Variants in NKAIN3 observed in about 807,000 individuals in gnomAD.
NKAIN3 encodes the protein sodium/potassium-transporting ATPase subunit beta-1-interacting protein 3.
In NKAIN3, 25 loss-of-function variants were observed where a neutral mutation model predicts 30.2. That is an observed-to-expected ratio of 0.83 (90% CI 0.60 to 1.16). NKAIN3 has a LOEUF of 1.16. Ranked by LOEUF, NKAIN3 falls within the 50% of genes most tolerant of loss-of-function variation. The probability of loss-of-function intolerance (pLI) is 0.00; values close to 1 mark genes in which losing one functional copy is unlikely to be tolerated. For synonymous variants in NKAIN3, 91 were observed against 89.6 expected, an observed-to-expected ratio of 1.02 and a Z score of -0.09; for missense variants, 225 against 254.1, an observed-to-expected ratio of 0.89 and a Z score of 0.78.
chr8:62,862,297 T>TA (rs139190194), intron 4 of NKAIN3, among the ~76,000 whole-genome samples: 62 of 147,672 alleles, frequency 4.2e-4, no homozygotes, highest in African/African-American at 9.9e-4. Flanking sequence ...AGTAGTAATT[T>TA]AAAAAAAAAA....
intron 1 of NKAIN3, among the ~76,000 whole-genome samples, chr8:62,578,749 G>A (rs940525732): frequency 1.6e-4 from 24 of 151,756 alleles, no homozygotes; most frequent in Admixed American, 1.2e-3. Context: ...TAAGCCAATC[G>A]TTTTATTAAA....
intron 1 of NKAIN3, among the ~76,000 whole-genome samples, chr8:62,381,822 T>C (rs1563373223): frequency 6.6e-6 from 1 of 151,738 alleles, no homozygotes; most frequent in Non-Finnish European, 1.5e-5. Flanking sequence ...GAATATCTTC[T>C]TAATATTTTT....
rs193087521 is a variant in NKAIN3 at position 62,605,805 on chromosome 8, C to T, written c.273+16011C>T. Among the ~76,000 whole-genome samples the T allele has an allele frequency of 2.6e-4, 40 of 152,054 alleles. No homozygotes were observed. In the East Asian group the frequency reaches 7.0e-3, roughly 27 times the overall value. On this transcript the variant is annotated intron_variant, in intron 3 of 6. Transcript: ENST00000623646. ...GAGCACCCTCAGATTTTGGTGTCTG[C>T]AGGGGGCCTGGAATCAATGCCCCGT...
intron 3 of NKAIN3, among the ~76,000 whole-genome samples, chr8:62,672,878 C>A (rs1006102896): frequency 4.6e-5 from 7 of 152,088 alleles, no homozygotes; most frequent in African/African-American, 1.7e-4. Context: ...CTCCTATATA[C>A]CATGTAAATG....
intron 1 of NKAIN3, among the ~76,000 whole-genome samples, chr8:62,382,116 T>G (rs1385946406): frequency 6.6e-6 from 1 of 152,150 alleles, no homozygotes; most frequent in African/African-American, 2.4e-5. Context: ...CTTCAAAATC[T>G]TAACTACTTA....
In NKAIN3 at chr8:62,647,370, C is replaced by T. The variant is rs79493209; in HGVS notation, c.273+57576C>T. Reference sequence around the variant, plus strand: ...TCATCCATTAGGCTAATCTCTAAGCCAATCAGGTTCTGAGGAAAGCAATTA... The same window carrying T: ...TCATCCATTAGGCTAATCTCTAAGCTAATCAGGTTCTGAGGAAAGCAATTA... On this transcript the variant is annotated intron_variant, in intron 3 of 6. Transcript: ENST00000623646. Among the ~76,000 whole-genome samples, 454 of 152,232 alleles carry T rather than the reference C, an allele frequency of 3.0e-3. 2 individuals are homozygous for T. Among genetic ancestry groups the T allele is most frequent in the Admixed American group, 7.7e-3 (118 of 15,294 alleles).
At chr8:62,952,808 A>G (rs1370505237) in intron 5 of NKAIN3, among the ~76,000 whole-genome samples, 1 of 152,202 alleles carries the variant, frequency 6.6e-6, no homozygotes, top group East Asian at 1.9e-4. Flanking sequence ...TTGCACAAGA[A>G]TTGATTTTTT....
chr8:62,827,882 G>A (rs759280755), intron 4 of NKAIN3, among the ~76,000 whole-genome samples: 65 of 151,866 alleles, frequency 4.3e-4, no homozygotes, highest in Non-Finnish European at 7.7e-4. Flanking sequence ...GCTACACCAA[G>A]GTATTATGCA....
intron 3 of NKAIN3, among the ~76,000 whole-genome samples, chr8:62,669,684 T>A (rs1813240428): frequency 6.6e-6 from 1 of 152,144 alleles, no homozygotes; most frequent in South Asian, 2.1e-4. Flanking sequence ...CTGTTTGGCT[T>A]ATTTGAATGA....
At chr8:62,855,750 T>C (rs1820042753) in intron 4 of NKAIN3, 2 of 1,347,332 alleles carry the variant, frequency 1.5e-6, no homozygotes, top group African/African-American at 2.9e-5. Context: ...TGCTCTGGAG[T>C]TGCCATGACT....
intron 1 of NKAIN3, among the ~76,000 whole-genome samples, chr8:62,475,807 G>C (rs1806500899): frequency 6.6e-6 from 1 of 152,156 alleles, no homozygotes; most frequent in South Asian, 2.1e-4. Context: ...AAAAATTCTT[G>C]CTAAGGAATA....
intron 1 of NKAIN3, among the ~76,000 whole-genome samples, chr8:62,418,011 G>T (rs557482568): frequency 2.0e-5 from 3 of 152,064 alleles, no homozygotes; most frequent in Non-Finnish European, 4.4e-5. Context: ...TGATATTTTG[G>T]TATCTCCTTA....
At chr8:62,939,233 G>C (rs2353389) in intron 5 of NKAIN3, among the ~76,000 whole-genome samples, 10,745 of 152,214 alleles carry the variant, frequency 0.071, 381 homozygotes, top group South Asian at 0.13. Flanking sequence ...AATGAGTAAA[G>C]CCTCTACGAA....
chr8:62,505,447 T>C (rs978138520), intron 1 of NKAIN3, among the ~76,000 whole-genome samples: 2 of 152,180 alleles, frequency 1.3e-5, no homozygotes, highest in Non-Finnish European at 2.9e-5. Flanking sequence ...ATTAGGAACA[T>C]AATGTAGGGG....
chr8:62,665,683 T>G (rs1350240171), intron 3 of NKAIN3, among the ~76,000 whole-genome samples: 1 of 152,264 alleles, frequency 6.6e-6, no homozygotes, highest in African/African-American at 2.4e-5. Context: ...GCCTTCCCAG[T>G]ATAGGAATGG....
At chr8:62,714,132 C>G (rs1461877131) in intron 3 of NKAIN3, among the ~76,000 whole-genome samples, 1 of 151,868 alleles carries the variant, frequency 6.6e-6, no homozygotes, top group African/African-American at 2.4e-5. Context: ...AAGAGTATGA[C>G]TTTTTTATGT....
chr8:62,705,731 C>T (rs1445849096), intron 3 of NKAIN3, among the ~76,000 whole-genome samples: 1 of 152,016 alleles, frequency 6.6e-6, no homozygotes, highest in East Asian at 1.9e-4. Flanking sequence ...CGCTTGTGCA[C>T]TTATGTTTCT....
intron 1 of NKAIN3, among the ~76,000 whole-genome samples, chr8:62,573,627 A>G (rs1040843087): frequency 6.6e-6 from 1 of 152,046 alleles, no homozygotes; most frequent in Non-Finnish European, 1.5e-5. Flanking sequence ...TTTATAGTGT[A>G]CAGATTCTTA....
chr8:62,800,220 A>G (rs1461024265), intron 4 of NKAIN3, among the ~76,000 whole-genome samples: 2 of 149,288 alleles, frequency 1.3e-5, no homozygotes, highest in Non-Finnish European at 3.0e-5. Context: ...AAATAAACAA[A>G]CAAATAAATA....
Sources: allele counts gnomAD v4.1 joint callset (sites outside exome capture counted in the v4.1 genomes callset), GRCh38; gene constraint gnomAD v4.1.1; transcripts MANE v1.5; gene names NCBI Gene and HGNC (gene_info 2026-07-23, HGNC 2026-07-21).